PDZD7: variants seen among roughly 807,000 people sequenced by gnomAD.
PDZD7 encodes PDZ domain containing 7.
PDZD7 carries 72 observed loss-of-function variants against 84.7 expected under a neutral mutation model. The observed-to-expected ratio is 0.85, with a 90% confidence interval of 0.70 to 1.03. The LOEUF (loss-of-function observed/expected upper bound fraction) is 1.03. Ranked by LOEUF, PDZD7 falls within the 50% of genes least tolerant of loss-of-function variation. PDZD7 has a pLI of 0.00. For synonymous variants in PDZD7, 594 were observed against 580.7 expected, an observed-to-expected ratio of 1.02 and a Z score of -0.33; for missense variants, 1,490 against 1,412.9, an observed-to-expected ratio of 1.05 and a Z score of -0.87.
In PDZD7 at chr10:101,010,477, G is replaced by C. The variant is rs1444211164; in HGVS notation, c.2412C>G (p.Ala804=). The part of the protein sequence containing the change: ...RRSPSPVPTP[A]PSMTNGRYHK... ...GGTAGCGCCCATTGGTCATGCTGGG[G>C]GCAGGGGTAGGCACCGGGGATGGGG... The change falls in exon 15 of 17, where the codon GCC becomes GCG. Residue 804 remains alanine (A), a synonymous_variant. Coordinates refer to ENST00000619208, the MANE Select transcript of PDZD7 (RefSeq NM_001195263.2). The C allele has an allele frequency of 2.0e-6, 3 of 1,535,312 alleles. No individual in the cohort carries two copies. Among genetic ancestry groups the C allele is most frequent in the Non-Finnish European group, 2.6e-6 (3 of 1,146,366 alleles).
In PDZD7 at chr10:101,016,641, C is replaced by G. The variant is rs7090429; in HGVS notation, c.1523-214G>C. Among the ~76,000 whole-genome samples, 43,523 of 152,186 alleles carry G rather than the reference C, an allele frequency of 0.29. 9,101 individuals are homozygous for G. Among genetic ancestry groups the G allele is most frequent in the African/African-American group, 0.6 (24,837 of 41,484 alleles). On this transcript the variant is annotated intron_variant, in intron 9 of 16. Transcript: ENST00000619208. Reference sequence around the variant, plus strand: ...GAGTCAGGACGGTTTTGGATCAAAACAGGGTGCAGTCTGAGCACTGCTTAT... The same window carrying G: ...GAGTCAGGACGGTTTTGGATCAAAAGAGGGTGCAGTCTGAGCACTGCTTAT...
chr10:101,011,090 A>T (rs2134001399), intron 14 of PDZD7: 1 of 1,415,118 alleles, frequency 7.1e-7, no homozygotes, highest in African/African-American at 1.4e-5. Context: ...TCTGTTGCCC[A>T]GGCGTGGTGG....
At chr10:101,020,728 G>A (rs769233167) in intron 6 of PDZD7, 50 bp from the exon 7 acceptor site, 25 of 1,452,204 alleles carry the variant, frequency 1.7e-5, no homozygotes, top group Non-Finnish European at 2.3e-5. Context: ...AGTGAGGAGG[G>A]AGAGTGAGAA....
rs757413778 is a variant in PDZD7, at chr10:101,023,593, C to G, written c.385G>C (p.Val129Leu). Residue 129 changes from valine to leucine, a missense_variant, in exon 4 of 17, where the codon GTG (valine) becomes CTG (leucine). By Grantham distance (32) the Val-to-Leu change is conservative (BLOSUM62 1). Transcript: ENST00000619208. ...TTCACCTCCGTGATCTTGTCCCCCA[C>G]GCACAGGCCAGCCCGCTCTGCACCA... ...GSSAERAGLCVGDKITEVNGL... is the reference protein window; with the variant it reads ...GSSAERAGLCLGDKITEVNGL... The G allele has an allele frequency of 6.2e-7, 1 of 1,612,900 alleles. No homozygotes were observed. The highest frequency in any genetic ancestry group is 8.5e-7 in the Non-Finnish European group (1 of 1,180,028).
intron 11 of PDZD7, among the ~76,000 whole-genome samples, 184 bp downstream of exon 11, chr10:101,015,452 G>T (rs1431874980): frequency 1.4e-5 from 2 of 147,942 alleles, no homozygotes; most frequent in Non-Finnish European, 3.0e-5. Context: ...TCTTCTTCCT[G>T]TGAGCTGGCA....
At position 101,029,980 on chromosome 10, in the gene PDZD7, G is replaced by C; in HGVS notation, c.226+14C>G. On this transcript the variant is annotated intron_variant, in intron 2 of 16. Transcript: ENST00000619208. The stretch of plus-strand genomic sequence containing the variant: ...CCTCCCCAACCCAGGCCAGTGGCTG[G>C]GTCCCGCCCCTACCTTCGATGGGGG... 1.2e-6 allele frequency: 2 copies of C among 1,607,790 alleles called. No individual in the cohort carries two copies. Among genetic ancestry groups the C allele is most frequent in the Non-Finnish European group, 1.7e-6 (2 of 1,176,410 alleles).
At position 101,023,807 on chromosome 10, in the gene PDZD7, T is replaced by C. The variant is rs151306058; in HGVS notation, c.367+121A>G. ...CTTGAGGGTTGGCCCTGTCTCCCCA[T>C]CAATCAGGCCCTCCAGAGCTGGGGA... On this transcript the variant is annotated intron_variant, in intron 3 of 16. Transcript: ENST00000619208. 253 of 1,542,478 alleles carry C rather than the reference T, an allele frequency of 1.6e-4. 1 individual carries two copies. The highest frequency in any genetic ancestry group is 4.7e-4 in the Admixed American group (28 of 59,696).
intron 2 of PDZD7, among the ~76,000 whole-genome samples, chr10:101,027,251 G>A (rs370625988): frequency 2.7e-3 from 180 of 65,760 alleles, no homozygotes; most frequent in African/African-American, 9.8e-3. Flanking sequence ...CCACCCCTCC[G>A]CCCTCCCCTC....
Position 101,030,061 on chromosome 10 carries a change from C to A in PDZD7, c.159G>T (p.Gly53=), listed in dbSNP as rs78072468. 9.9e-6 allele frequency: 16 copies of A among 1,612,670 alleles called. No individual in the cohort carries two copies. In the East Asian group the frequency reaches 3.1e-4, roughly 31 times the overall value. ...ATGAGGCTCGGATTCCGCGGGGGGG[C>A]CCGTTCAGCAGCCGTTGTTGCTTCC... ...LLRKQQRLLN[G]PPRGIRASSP... is the part of the protein sequence containing the mutation. Residue 53 remains glycine (G), a synonymous_variant, in exon 2 of 17, where the codon GGG becomes GGT. Transcript: ENST00000619208.
At chr10:101,024,931 T>G (rs1937612859) in intron 2 of PDZD7, among the ~76,000 whole-genome samples, 1 of 151,990 alleles carries the variant, frequency 6.6e-6, no homozygotes, top group Non-Finnish European at 1.5e-5. Flanking sequence ...ACAATTCTGA[T>G]ACTCCCAGGG....
At chr10:101,023,383 G>T in intron 4 of PDZD7, 53 bp downstream of exon 4, 1 of 1,605,970 alleles carries the variant, frequency 6.2e-7, no homozygotes, top group African/African-American at 1.3e-5. Flanking sequence ...TGTTGGTAGG[G>T]TTGGGGTGGG....
At chr10:101,026,805 C>T (rs917258378) in intron 2 of PDZD7, among the ~76,000 whole-genome samples, 10 of 151,518 alleles carry the variant, frequency 6.6e-5, no homozygotes, top group East Asian at 1.9e-4. Flanking sequence ...AGGGGTGGTG[C>T]AGGACAGATG....
Position 101,015,070 on chromosome 10 carries a change from CT to C in PDZD7, c.1749+565del, listed in dbSNP as rs553064686. On this transcript the variant is annotated intron_variant, in intron 11 of 16. Coordinates refer to ENST00000619208, the MANE Select transcript of PDZD7 (RefSeq NM_001195263.2). Reference sequence around the variant, plus strand: ...CTCTCCACCCTGGGGCGCTCTGGTTCTTTTTGAAGTGGAAGAGAACAGAGAA... The same window carrying C: ...CTCTCCACCCTGGGGCGCTCTGGTTCTTTTGAAGTGGAAGAGAACAGAGAA... 8.3e-3 allele frequency among the ~76,000 whole-genome samples: 1,258 copies of C among 152,306 alleles called. 19 individuals carry two copies. Among genetic ancestry groups the C allele is most frequent in the African/African-American group, 0.029 (1,202 of 41,558 alleles).
chr10:101,015,153 G>A (rs1184376121), intron 11 of PDZD7, among the ~76,000 whole-genome samples: 6 of 152,234 alleles, frequency 3.9e-5, no homozygotes, highest in Non-Finnish European at 8.8e-5. Context: ...ACAGGGGAGA[G>A]GACCTGGCAT....
rs895187941 is a variant in PDZD7 at position 101,010,670 on chromosome 10, G to T, written c.2219C>A (p.Pro740His). Residue 740 changes from proline to histidine, a missense_variant, in exon 15 of 17, where the codon CCC becomes CAC. Physicochemically the swap from Pro to His is moderately conservative, Grantham distance 77. Coordinates refer to ENST00000619208, the MANE Select transcript of PDZD7 (RefSeq NM_001195263.2). ...IACTPPPQLP[P>H]VAPRPLRPNW... ...AGGCCGCAGGGGCCGGGGAGCCACG[G>T]GGGGTAGCTGGGGAGGGGGTGTGCA... 6.6e-7 allele frequency: 1 copy of T among 1,522,640 alleles called. No homozygotes were observed. The highest frequency in any genetic ancestry group is 8.8e-7 in the Non-Finnish European group (1 of 1,137,570). 94.3% of individuals were successfully genotyped at this position (1,522,640 alleles called of 1,614,324 possible). A position where few individuals can be genotyped will look rare whatever the true frequency, so the allele number is the denominator to read the frequency against.
intron 3 of PDZD7, 89 bp from the exon 4 acceptor site, chr10:101,023,699 A>G (rs1853261114): frequency 6.6e-7 from 1 of 1,524,948 alleles, no homozygotes; most frequent in Non-Finnish European, 8.9e-7. Context: ...GGTCAAACTG[A>G]GCTTCTCAAT....
chr10:101,025,697 A>G (rs374835785), intron 2 of PDZD7, among the ~76,000 whole-genome samples: 43 of 149,568 alleles, frequency 2.9e-4, no homozygotes, highest in East Asian at 1.8e-3. Flanking sequence ...ACAGGCGCCC[A>G]CCACCACGCC....
In PDZD7 at chr10:101,022,340, T is replaced by C. The variant is rs1853160349; in HGVS notation, c.588A>G (p.Ser196=). Residue 196 remains serine (S), a synonymous_variant, in exon 5 of 17, where the codon TCA becomes TCG. Transcript: ENST00000619208. ...CTTCTGAGCTGGTGTCGGAGGGTGT[T>C]GAACCGCACTTCTCCACTACCAGGC... The part of the protein sequence containing the change: ...NRRLVVEKCG[S]TPSDTSSEDG... 5 of 1,614,162 alleles carry C rather than the reference T, an allele frequency of 3.1e-6. No homozygotes were observed. The South Asian group carries it at 4.4e-5, about 14-fold the overall frequency.
chr10:101,008,444 T>C lies in PDZD7; in HGVS notation c.*23A>G. On this transcript the variant is annotated 3_prime_UTR_variant, in exon 17 of 17. Transcript: ENST00000619208. ...ATAACGGGATGCTGGAGTCAGTGGGTGAATCTGAGGTTAGGGGGAGGGTCA... is the reference window on the plus strand; with the variant it reads ...ATAACGGGATGCTGGAGTCAGTGGGCGAATCTGAGGTTAGGGGGAGGGTCA... The C allele has an allele frequency of 6.8e-7, 1 of 1,475,310 alleles. No homozygotes were observed. 91.4% of individuals were successfully genotyped at this position (1,475,310 alleles called of 1,614,324 possible). A position where few individuals can be genotyped will look rare whatever the true frequency, so the allele number is the denominator to read the frequency against.
Sources: allele counts gnomAD v4.1 joint callset (sites outside exome capture counted in the v4.1 genomes callset), GRCh38; gene constraint gnomAD v4.1.1; transcripts MANE v1.5; gene names NCBI Gene and HGNC (gene_info 2026-07-23, HGNC 2026-07-21).